DPP6: variants seen among roughly 807,000 people sequenced by gnomAD.
DPP6 encodes the protein A-type potassium channel modulatory protein DPP6.
DPP6 carries 69 observed loss-of-function variants against 122.6 expected under a neutral mutation model. That is an observed-to-expected ratio of 0.56 (90% CI 0.46 to 0.69). The LOEUF is 0.69. Among genes scored for constraint, DPP6 ranks in the 30% least tolerant of loss-of-function variants. The pLI is 0.00. For synonymous variants in DPP6, 418 were observed against 433.1 expected (o/e 0.97, Z 0.43); for missense variants, 928 against 1,116.9 (o/e 0.83, Z 2.41).
At chr7:154,258,927 A>G (rs764421997) in intron 1 of DPP6, among the ~76,000 whole-genome samples, 2 of 152,244 alleles carry the variant, frequency 1.3e-5, no homozygotes, top group Non-Finnish European at 2.9e-5. Context: ...TACAAGATAT[A>G]TGGCACTTCA....
chr7:154,360,305 C>T (rs1048278307), intron 1 of DPP6, among the ~76,000 whole-genome samples: 11 of 152,142 alleles, frequency 7.2e-5, no homozygotes, highest in Admixed American at 6.5e-4. Context: ...AATTCCAAAC[C>T]TCTTTCATCT....
intron 1 of DPP6, among the ~76,000 whole-genome samples, chr7:153,947,670 G>A (rs953062112): frequency 1.3e-5 from 2 of 152,206 alleles, no homozygotes; most frequent in South Asian, 4.1e-4. Flanking sequence ...TGAGGACGCA[G>A]AGGTCATGGG....
intron 1 of DPP6, among the ~76,000 whole-genome samples, chr7:154,420,466 G>C (rs1817377191): frequency 6.6e-6 from 1 of 152,196 alleles, no homozygotes; most frequent in Non-Finnish European, 1.5e-5. Context: ...TCAGACTCAT[G>C]GAAGGAGAGA....
At chr7:153,933,700 C>G (rs373569283) in intron 1 of DPP6, among the ~76,000 whole-genome samples, 32,238 of 151,872 alleles carry the variant, frequency 0.21, 3,672 homozygotes, top group Middle Eastern at 0.31. Context: ...CTCTCTCTCT[C>G]TCTCTCACAC....
At position 154,875,005 on chromosome 7, in the gene DPP6, T is replaced by G. The variant is rs562085128; in HGVS notation, c.1884-901T>G. 2.9e-4 allele frequency among the ~76,000 whole-genome samples: 44 copies of G among 152,020 alleles called. No homozygotes were observed. Among genetic ancestry groups the G allele is most frequent in the African/African-American group, 8.4e-4 (35 of 41,456 alleles). On this transcript the variant is annotated intron_variant, in intron 19 of 25. Transcript: ENST00000377770. The surrounding 1 kb of genome is among the most constrained non-coding windows in gnomAD (Gnocchi z 4.5). The stretch of plus-strand genomic sequence containing the variant: ...GTCTCAGCTATTTGGAAGGCAAAAG[T>G]GGGAGGATTGCTTGAGCCCCAGAGG...
chr7:154,875,685 G>A lies in DPP6; in HGVS notation c.1884-221G>A, dbSNP rs985968429. ...GGTGTGTGTAGGGATGGCCCTGGGT[G>A]TCCTAGGCTCTTGGAGGTCTCCTCT... On this transcript the variant is annotated intron_variant, in intron 19 of 25. Transcript: ENST00000377770. The surrounding 1 kb of genome is among the most constrained non-coding windows in gnomAD (Gnocchi z 4.5). 2.0e-5 allele frequency among the ~76,000 whole-genome samples: 3 copies of A among 152,166 alleles called. No homozygotes were observed. The highest frequency in any genetic ancestry group is 4.4e-5 in the Non-Finnish European group (3 of 68,026).
intron 16 of DPP6, among the ~76,000 whole-genome samples, chr7:154,825,675 G>A (rs1335515901): frequency 6.6e-6 from 1 of 152,182 alleles, no homozygotes; most frequent in Non-Finnish European, 1.5e-5. Flanking sequence ...GTGGGGTCAG[G>A]ACTGCTTCCC....
chr7:154,377,548 G>A (rs115651319), intron 1 of DPP6, among the ~76,000 whole-genome samples: 1,600 of 152,262 alleles, frequency 0.011, 31 homozygotes, highest in African/African-American at 0.036. Flanking sequence ...GATCATGAGG[G>A]CAGTTTCCTT....
chr7:154,805,702 C>T (rs1337732149), intron 15 of DPP6, among the ~76,000 whole-genome samples: 3 of 152,112 alleles, frequency 2.0e-5, no homozygotes, highest in African/African-American at 7.2e-5. Context: ...TAGGGCGTGT[C>T]CCTCTTCTAC....
the DPP6 span, among the ~76,000 whole-genome samples, chr7:153,777,180 T>C: frequency 1.3e-5 from 2 of 152,148 alleles, no homozygotes; most frequent in African/African-American, 2.4e-5. Context: ...CCAACCACAA[T>C]GAAATACCAC....
rs1396212914 is a variant in DPP6 at position 154,483,387 on chromosome 7, A to ATT, written c.457+8350_457+8351insTT. Among the ~76,000 whole-genome samples the ATT allele has an allele frequency of 4.5e-5, 4 of 88,292 alleles. No homozygotes were observed. The highest frequency in any genetic ancestry group is 7.2e-4 in the South Asian group (2 of 2,760). 57.9% of individuals were successfully genotyped at this position (88,292 alleles called of 152,430 possible). The stretch of plus-strand genomic sequence containing the variant: ...TTAAAGGTAAACTGAGGCACAATAC[A>ATT]ATTTTTTTTTTTTTAAAAGCATTTA... On this transcript the variant is annotated intron_variant, in intron 3 of 25. Coordinates refer to ENST00000377770, the MANE Select transcript of DPP6 (RefSeq NM_130797.4). The surrounding 1 kb of genome is among the most constrained non-coding windows in gnomAD (Gnocchi z 8.1).
chr7:154,283,466 T>TATC (rs1016134273), intron 1 of DPP6, among the ~76,000 whole-genome samples: 7 of 151,804 alleles, frequency 4.6e-5, no homozygotes, highest in Admixed American at 2.0e-4. Flanking sequence ...TCATAGTCAT[T>TATC]ATCATCATCA....
chr7:153,815,512 TC>T, the DPP6 span, among the ~76,000 whole-genome samples: 6 of 151,604 alleles, frequency 4.0e-5, no homozygotes, highest in Non-Finnish European at 7.4e-5. Flanking sequence ...AAGCTATCCC[TC>T]CCCCGTCCCC....
At chr7:154,122,307 G>C (rs1412695012) in intron 1 of DPP6, among the ~76,000 whole-genome samples, 1 of 152,176 alleles carries the variant, frequency 6.6e-6, no homozygotes, top group Non-Finnish European at 1.5e-5. Flanking sequence ...TGGTGACGTG[G>C]AAATGTAAAG....
chr7:154,673,962 A>G lies in DPP6; in HGVS notation c.762+4521A>G, dbSNP rs1157871473. On this transcript the variant is annotated intron_variant, in intron 7 of 25. Coordinates refer to ENST00000377770, the MANE Select transcript of DPP6 (RefSeq NM_130797.4). ...GCGATCTCTGCTCACTCCAACCTCC[A>G]CCTCCTGGGTTCAAGCAATTTTCCT... Among the ~76,000 whole-genome samples, 10 of 148,692 alleles carry G rather than the reference A, an allele frequency of 6.7e-5. No individual in the cohort carries two copies. In the Admixed American group the frequency reaches 6.7e-4, roughly 10 times the overall value.
Position 154,892,749 on chromosome 7 carries a change from C to T in DPP6, c.*269C>T, listed in dbSNP as rs1585006476. On this transcript the variant is annotated 3_prime_UTR_variant, in exon 26 of 26. Transcript: ENST00000377770. ...GCCCGAGAGACCGGCACGCCACGGCCCCTCCCCCAAGGAACAGAGCAAAGG... is the reference window on the plus strand; with the variant it reads ...GCCCGAGAGACCGGCACGCCACGGCTCCTCCCCCAAGGAACAGAGCAAAGG... 1 of 690,178 alleles carries T rather than the reference C, an allele frequency of 1.4e-6. No homozygotes were observed. The highest frequency in any genetic ancestry group is 2.6e-6 in the Non-Finnish European group (1 of 382,340). The allele number at this position is 690,178 out of a possible 1,614,324, so 42.8% of individuals were successfully genotyped here.
At chr7:154,654,917 T>G (rs1486114322) in intron 6 of DPP6, among the ~76,000 whole-genome samples, 1 of 152,190 alleles carries the variant, frequency 6.6e-6, no homozygotes, top group East Asian at 1.9e-4. Context: ...AAATGCTACA[T>G]GAGTTTAAGG....
At chr7:154,123,256 AAG>A (rs1807629639) in intron 1 of DPP6, among the ~76,000 whole-genome samples, 1 of 152,214 alleles carries the variant, frequency 6.6e-6, no homozygotes, top group South Asian at 2.1e-4. Context: ...CTGTCCTCCC[AAG>A]ATCCAGAATG....
chr7:154,793,023 C>G (rs1215829953), intron 10 of DPP6, among the ~76,000 whole-genome samples: 1 of 152,228 alleles, frequency 6.6e-6, no homozygotes, highest in African/African-American at 2.4e-5. Context: ...GCACTGGAAT[C>G]TCCTGGTTAA....
Sources: gnomAD v4.1 joint callset for allele counts (sites outside exome capture counted in the v4.1 genomes callset) on GRCh38, gnomAD v4.1.1 for gene constraint, Gnocchi (gnomAD v3.1) non-coding constraint, MANE v1.5 for transcripts, NCBI Gene and HGNC (gene_info 2026-07-23, HGNC 2026-07-21) for gene names.